Variants in ANKIB1 observed in about 807,000 individuals in gnomAD.
The protein encoded by ANKIB1 is ankyrin repeat and IBR domain-containing protein 1.
ANKIB1 carries 43 observed loss-of-function variants against 122.1 expected under a neutral mutation model. The observed-to-expected ratio is 0.35, with a 90% confidence interval of 0.28 to 0.45. ANKIB1 has a LOEUF of 0.45. Ranked by LOEUF, ANKIB1 falls within the 20% of genes least tolerant of loss-of-function variation. The pLI is 1.00. For missense variants in ANKIB1, 992 were observed against 1,329.5 expected (o/e 0.75, Z 3.95); for synonymous variants, 390 against 442.0 (o/e 0.88, Z 1.48).
chr7:92,375,900 C>T lies in ANKIB1; in HGVS notation c.1617+4293C>T, dbSNP rs563933105. 2.6e-5 allele frequency among the ~76,000 whole-genome samples: 4 copies of T among 152,312 alleles called. No homozygotes were observed. In the South Asian group the frequency reaches 6.2e-4, roughly 24 times the overall value. ...ACCGCTTAATCCATAGGCTGCAGAA[C>T]GGATGTTGTGTTAGCAGACATTAAA... On this transcript the variant is annotated intron_variant, in intron 11 of 19. Coordinates refer to ENST00000265742, the MANE Select transcript of ANKIB1 (RefSeq NM_019004.2).
At chr7:92,348,331 T>A (rs2131981276) in intron 7 of ANKIB1, among the ~76,000 whole-genome samples, 1 of 152,168 alleles carries the variant, frequency 6.6e-6, no homozygotes, top group Middle Eastern at 3.4e-3. Context: ...GAGAATCTTG[T>A]TATGTGAAAA....
rs144166329 is a variant in ANKIB1 at position 92,376,459 on chromosome 7, T to A, written c.1617+4852T>A. 1.0e-3 allele frequency among the ~76,000 whole-genome samples: 152 copies of A among 151,364 alleles called. 3 individuals are homozygous for A. The East Asian group carries it at 0.019, about 19-fold the overall frequency. ...ACTTTTTTTTTATTTTTTATTTTTT[T>A]TTTTTTTGAGACAAAGTCTCGCTCT... is the stretch of plus-strand genomic sequence containing the variant. On this transcript the variant is annotated intron_variant, in intron 11 of 19. Coordinates refer to ENST00000265742, the MANE Select transcript of ANKIB1 (RefSeq NM_019004.2).
chr7:92,355,729 G>A (rs1393468606), intron 9 of ANKIB1, among the ~76,000 whole-genome samples: 1 of 151,790 alleles, frequency 6.6e-6, no homozygotes, highest in African/African-American at 2.4e-5. Context: ...TGCTCCTGTA[G>A]TTCCAGATAT....
chr7:92,259,382 G>A (rs1476201910), intron 1 of ANKIB1, among the ~76,000 whole-genome samples: 1 of 152,076 alleles, frequency 6.6e-6, no homozygotes, highest in Admixed American at 6.5e-5. Context: ...TTTACTTCTT[G>A]TTGTAGTTTC....
At chr7:92,346,965 T>C (rs2131979864) in intron 7 of ANKIB1, among the ~76,000 whole-genome samples, 1 of 152,320 alleles carries the variant, frequency 6.6e-6, no homozygotes, top group South Asian at 2.1e-4. Context: ...TCCAATTTTG[T>C]CAAATCAAGC....
intron 2 of ANKIB1, among the ~76,000 whole-genome samples, chr7:92,303,901 G>A (rs1802502534): frequency 6.6e-6 from 1 of 152,098 alleles, no homozygotes; most frequent in Admixed American, 6.6e-5. Context: ...TAAACTGGCT[G>A]CTTAAGAATT....
chr7:92,399,123 A>G lies in ANKIB1; in HGVS notation c.*174A>G. ...TAGCTTCATTTTTTATTTTAACCTT[A>G]CAGGGAATTTCCTTTGTACTTAATT... On this transcript the variant is annotated 3_prime_UTR_variant, in exon 20 of 20. Transcript: ENST00000265742. 1.6e-6 allele frequency: 1 copy of G among 627,490 alleles called. No individual in the cohort carries two copies. The allele number at this position is 627,490 out of a possible 1,614,324, so 38.9% of individuals were successfully genotyped here. A position where few individuals can be genotyped will look rare whatever the true frequency, so the allele number is the denominator to read the frequency against.
chr7:92,271,169 T>G (rs1026630294), intron 1 of ANKIB1, among the ~76,000 whole-genome samples: 5 of 152,270 alleles, frequency 3.3e-5, no homozygotes, highest in Non-Finnish European at 7.4e-5. Context: ...CGGCACTTTT[T>G]TTTTCCCCAT....
intron 3 of ANKIB1, among the ~76,000 whole-genome samples, chr7:92,313,374 T>C (rs1224821255): frequency 1.3e-5 from 2 of 152,126 alleles, no homozygotes; most frequent in African/African-American, 4.8e-5. Context: ...ATTACCTAAT[T>C]ATATTGTGTT....
At chr7:92,249,609 A>G (rs1030029610) in intron 1 of ANKIB1, among the ~76,000 whole-genome samples, 3 of 152,102 alleles carry the variant, frequency 2.0e-5, no homozygotes, top group African/African-American at 4.8e-5. Flanking sequence ...AATCCCAGCT[A>G]CTTGGGAGGT....
chr7:92,398,119 A>C, intron 19 of ANKIB1, 93 bp from the exon 20 acceptor site: 3 of 1,309,458 alleles, frequency 2.3e-6, no homozygotes, highest in Non-Finnish European at 3.1e-6. Flanking sequence ...AAAATTAATA[A>C]TCTGTTGGTA....
chr7:92,292,622 T>C (rs919548193), intron 1 of ANKIB1, among the ~76,000 whole-genome samples: 1 of 152,190 alleles, frequency 6.6e-6, no homozygotes, highest in Admixed American at 6.5e-5. Flanking sequence ...AGCTGTAGTA[T>C]ATTGTGTATA....
intron 9 of ANKIB1, among the ~76,000 whole-genome samples, chr7:92,357,672 C>A (rs1331001663): frequency 6.8e-6 from 1 of 147,778 alleles, no homozygotes; most frequent in African/African-American, 2.5e-5. Context: ...GAGGTGGAAG[C>A]TGCAGTGAGC....
chr7:92,357,580 C>A (rs1184037143), intron 9 of ANKIB1, among the ~76,000 whole-genome samples: 1 of 151,614 alleles, frequency 6.6e-6, no homozygotes, highest in Non-Finnish European at 1.5e-5. Flanking sequence ...ACAAAAAATA[C>A]AAAAATTAGC....
At chr7:92,318,470 G>T (rs1041156421) in intron 3 of ANKIB1, among the ~76,000 whole-genome samples, 1 of 152,122 alleles carries the variant, frequency 6.6e-6, no homozygotes, top group Non-Finnish European at 1.5e-5. Flanking sequence ...TCATGCCATT[G>T]CACTCCAGTC....
intron 1 of ANKIB1, among the ~76,000 whole-genome samples, chr7:92,275,510 G>A (rs146099012): frequency 2.6e-5 from 4 of 152,258 alleles, no homozygotes; most frequent in African/African-American, 9.6e-5. Context: ...AATTGGCAGA[G>A]GTCAGGGATG....
intron 9 of ANKIB1, among the ~76,000 whole-genome samples, chr7:92,359,987 A>G (rs773823858): frequency 5.3e-5 from 8 of 152,344 alleles, no homozygotes; most frequent in Admixed American, 2.6e-4. Context: ...TAAAACCACA[A>G]TTATGGAAAA....
rs567630531 is a variant in ANKIB1, at chr7:92,377,803, A to G, written c.1617+6196A>G. Among the ~76,000 whole-genome samples the G allele has an allele frequency of 7.2e-3, 1,094 of 152,302 alleles. 11 individuals carry two copies. Among genetic ancestry groups the G allele is most frequent in the African/African-American group, 0.025 (1,042 of 41,568 alleles). ...TCCCCAAAAAAACCCATTCCCATAG[A>G]AGGGGAAAAAAGTTTTTCAAAAATC... On this transcript the variant is annotated intron_variant, in intron 11 of 19. Transcript: ENST00000265742.
intron 5 of ANKIB1, among the ~76,000 whole-genome samples, chr7:92,332,836 A>G (rs1399585815): frequency 6.6e-6 from 1 of 152,200 alleles, no homozygotes; most frequent in Non-Finnish European, 1.5e-5. Flanking sequence ...TCTGAGCTCC[A>G]TATTTCATAC....
Sources: gnomAD v4.1 joint callset for allele counts (sites outside exome capture counted in the v4.1 genomes callset) on GRCh38, gnomAD v4.1.1 for gene constraint, MANE v1.5 for transcripts, NCBI Gene and HGNC (gene_info 2026-07-23, HGNC 2026-07-21) for gene names.